ARPC2: variants seen among roughly 807,000 people sequenced by gnomAD.
ARPC2 encodes the protein actin-related protein 2/3 complex subunit 2.
Under a neutral mutation model 38.6 loss-of-function variants are expected in ARPC2, and 4 were observed. The observed-to-expected ratio is 0.10, with a 90% CI of 0.05 to 0.24. The LOEUF is 0.24. ARPC2 is among the 10% of genes least tolerant of loss of function. The probability of loss-of-function intolerance (pLI) is 1.00; values close to 1 mark genes in which losing one functional copy is unlikely to be tolerated. For missense variants in ARPC2, 229 were observed against 387.3 expected (o/e 0.59, Z 3.43); for synonymous variants, 125 against 140.8 (o/e 0.89, Z 0.79).
intron 7 of ARPC2, among the ~76,000 whole-genome samples, chr2:218,244,630 G>A (rs1689988812): frequency 6.6e-6 from 1 of 152,258 alleles, no homozygotes; most frequent in East Asian, 1.9e-4. Context: ...CAAGAGAGCA[G>A]TACCTGCCTG....
At chr2:218,241,750 A>G (rs938683859) in intron 7 of ARPC2, among the ~76,000 whole-genome samples, 4 of 152,236 alleles carry the variant, frequency 2.6e-5, no homozygotes, top group African/African-American at 9.6e-5. Context: ...CACTTACCTA[A>G]AAGGAAAGAC....
chr2:218,219,359 C>CT (rs397944295), intron 2 of ARPC2, among the ~76,000 whole-genome samples: 3,450 of 147,708 alleles, frequency 0.023, 105 homozygotes, highest in African/African-American at 0.077. Context: ...ACTTCCAGGA[C>CT]TTTTTTTTTT....
Position 218,237,403 on chromosome 2 carries a change from T to C in ARPC2, c.269-1261T>C, listed in dbSNP as rs1372515186. 3.9e-5 allele frequency among the ~76,000 whole-genome samples: 6 copies of C among 152,038 alleles called. No homozygotes were observed. In the East Asian group the frequency reaches 1.2e-3, roughly 29 times the overall value. ...TATTAGAGACGGGGTTTTGCCATAT[T>C]GGCCAGGCAGGTCTCGAACTCCTGA... is the stretch of plus-strand genomic sequence containing the variant. On this transcript the variant is annotated intron_variant, in intron 5 of 10. Coordinates refer to ENST00000315717, the MANE Select transcript of ARPC2 (RefSeq NM_152862.3).
rs1405433453 is a variant in ARPC2 at position 218,249,389 on chromosome 2, C to T, written c.702C>T (p.Ala234=). 1.9e-6 allele frequency: 3 copies of T among 1,613,320 alleles called. No individual in the cohort carries two copies. Among genetic ancestry groups the T allele is most frequent in the Non-Finnish European group, 2.5e-6 (3 of 1,179,702 alleles). Residue 234 remains alanine, a synonymous_variant, in exon 9 of 11, where the codon GCC becomes GCT. Coordinates refer to ENST00000315717, the MANE Select transcript of ARPC2 (RefSeq NM_152862.3). ...TFVLFPRHTN[A]SARDNTINLI... is the part of the protein sequence containing the mutation. ...TGCTGTTCCCTCGTCACACCAATGCCAGTGCTCGAGACAACACCATCAACC... is the reference window on the plus strand; with the variant it reads ...TGCTGTTCCCTCGTCACACCAATGCTAGTGCTCGAGACAACACCATCAACC...
Position 218,219,911 on chromosome 2 carries a change from T to C in ARPC2, c.74+2367T>C, listed in dbSNP as rs965237875. ...CTGGGATTACAGATGTATCACCCAG[T>C]AGAAGCCCGAATGAAGCAAATGTAA... is the stretch of plus-strand genomic sequence containing the variant. On this transcript the variant is annotated intron_variant, in intron 2 of 10. Transcript: ENST00000315717. 4.6e-5 allele frequency among the ~76,000 whole-genome samples: 7 copies of C among 152,276 alleles called. No homozygotes were observed. The South Asian group carries it at 1.5e-3, about 32-fold the overall frequency.
chr2:218,248,536 C>T (rs993418418), intron 8 of ARPC2, among the ~76,000 whole-genome samples: 2 of 151,872 alleles, frequency 1.3e-5, no homozygotes, highest in African/African-American at 2.4e-5. Flanking sequence ...TCTTGGCTCA[C>T]TGCAACCTCC....
In ARPC2 at chr2:218,227,259, A is replaced by G. The variant is rs118132204; in HGVS notation, c.109+1305A>G. On this transcript the variant is annotated intron_variant, in intron 3 of 10. Coordinates refer to ENST00000315717, the MANE Select transcript of ARPC2 (RefSeq NM_152862.3). ...TACACAGGCTGAGTCAGTCCTGTGT[A>G]CTGCAGAAAGATAGAACCGAAAAAG... Among the ~76,000 whole-genome samples the G allele has an allele frequency of 1.4e-3, 214 of 152,246 alleles. 2 individuals carry two copies. In the East Asian group the frequency reaches 0.039, roughly 28 times the overall value.
intron 10 of ARPC2, among the ~76,000 whole-genome samples, chr2:218,250,493 C>T (rs537729821): frequency 5.9e-5 from 9 of 152,176 alleles, no homozygotes; most frequent in Admixed American, 5.9e-4. Flanking sequence ...GAAACCCCAT[C>T]TTTACTAAAA....
intron 2 of ARPC2, among the ~76,000 whole-genome samples, chr2:218,223,816 A>G (rs868658037): frequency 6.6e-5 from 10 of 152,168 alleles, no homozygotes; most frequent in South Asian, 6.2e-4. Flanking sequence ...CTGGGGGCCT[A>G]TTTAGTGGAA....
intron 2 of ARPC2, among the ~76,000 whole-genome samples, chr2:218,222,044 G>A (rs954266136): frequency 9.9e-5 from 15 of 152,204 alleles, no homozygotes; most frequent in Admixed American, 3.9e-4. Context: ...AAGGAGGGCG[G>A]ATCACTTGAG....
At position 218,240,243 on chromosome 2, in the gene ARPC2, G is replaced by A. The variant is rs566475794; in HGVS notation, c.549+759G>A. 3.3e-5 allele frequency among the ~76,000 whole-genome samples: 5 copies of A among 152,072 alleles called. No individual in the cohort carries two copies. The East Asian group carries it at 7.8e-4, about 24-fold the overall frequency. ...GCTGGGATTGCAGGCATGAGCCACC[G>A]CGCCCAGCCTGATATTTTTTTTCTC... is the stretch of plus-strand genomic sequence containing the variant. On this transcript the variant is annotated intron_variant, in intron 7 of 10. Coordinates refer to ENST00000315717, the MANE Select transcript of ARPC2 (RefSeq NM_152862.3).
At chr2:218,226,906 A>G in intron 3 of ARPC2, 1 of 413,036 alleles carries the variant, frequency 2.4e-6, no homozygotes, top group Non-Finnish European at 5.1e-6. Context: ...AAACATGAAC[A>G]GCTAGAGATG....
chr2:218,234,159 C>G, intron 4 of ARPC2, 193 bp from the exon 5 acceptor site: 1 of 505,076 alleles, frequency 2.0e-6, no homozygotes, highest in South Asian at 2.7e-5. Context: ...TAAAAAGATA[C>G]TCATCTCAGT....
chr2:218,217,215 G>C lies in ARPC2; in HGVS notation c.-48G>C. 1 of 459,788 alleles carries C rather than the reference G, an allele frequency of 2.2e-6. No individual in the cohort carries two copies. Among genetic ancestry groups the C allele is most frequent in the Non-Finnish European group, 3.9e-6 (1 of 259,408 alleles). The allele number at this position is 459,788 out of a possible 1,614,324, so 28.5% of individuals were successfully genotyped here. On this transcript the variant is annotated 5_prime_UTR_variant, in exon 1 of 11. Coordinates refer to ENST00000315717, the MANE Select transcript of ARPC2 (RefSeq NM_152862.3). ...TCGGTGAAGCGGCAGTGGCGGCGGC[G>C]GCGGCGGCTCGGCAGGCGGGTTCAG...
chr2:218,253,808 G>A lies in ARPC2; in HGVS notation c.879-83G>A, dbSNP rs572185046. On this transcript the variant is annotated intron_variant, in intron 10 of 10. Transcript: ENST00000315717. ...TCCACCTCTCATTTGGTGTTTCTTT[G>A]GGATCCCATCTAGTCTAGGAGTGTG... 52 of 1,477,308 alleles carry A rather than the reference G, an allele frequency of 3.5e-5. 1 individual carries two copies. The South Asian group carries it at 6.9e-4, about 19-fold the overall frequency. The allele number at this position is 1,477,308 out of a possible 1,614,324, so 91.5% of individuals were successfully genotyped here. A position where few individuals can be genotyped will look rare whatever the true frequency, so the allele number is the denominator to read the frequency against.
intron 10 of ARPC2, 57 bp from the exon 11 acceptor site, chr2:218,253,834 G>A: frequency 6.2e-7 from 1 of 1,601,764 alleles, no homozygotes; most frequent in Non-Finnish European, 8.5e-7. Context: ...TAGGAGTGTG[G>A]GGTGGGAGGA....
chr2:218,251,538 C>T (rs867085100), intron 10 of ARPC2, among the ~76,000 whole-genome samples: 1 of 152,212 alleles, frequency 6.6e-6, no homozygotes, highest in Middle Eastern at 3.4e-3. Flanking sequence ...CAGCCAGGCT[C>T]AACCTCCTGG....
intron 2 of ARPC2, among the ~76,000 whole-genome samples, chr2:218,220,508 A>T (rs1472849631): frequency 6.6e-6 from 1 of 152,198 alleles, no homozygotes; most frequent in Non-Finnish European, 1.5e-5. Flanking sequence ...TTCTATTAGC[A>T]CTGTTCCAGC....
At chr2:218,232,664 G>A (rs1441770234) in intron 4 of ARPC2, among the ~76,000 whole-genome samples, 1 of 151,334 alleles carries the variant, frequency 6.6e-6, no homozygotes, top group Non-Finnish European at 1.5e-5. Context: ...CTGCCTCCCG[G>A]GTTCACGCCA....
Sources: gnomAD v4.1 joint callset for allele counts (sites outside exome capture counted in the v4.1 genomes callset) on GRCh38, gnomAD v4.1.1 for gene constraint, MANE v1.5 for transcripts, NCBI Gene and HGNC (gene_info 2026-07-23, HGNC 2026-07-21) for gene names.